ARHGEF10: variants seen among roughly 807,000 people sequenced by gnomAD.
ARHGEF10 encodes the protein Rho guanine nucleotide exchange factor (GEF) 10.
In ARHGEF10, 140 loss-of-function variants were observed where a neutral mutation model predicts 147.4. The ratio of observed to expected loss-of-function variants is 0.95; its 90% CI spans 0.83 to 1.09. ARHGEF10 has a LOEUF of 1.09. Ranked by LOEUF, ARHGEF10 falls within the 50% of genes least tolerant of loss-of-function variation. The pLI is 0.00. For synonymous variants in ARHGEF10, 902 were observed against 695.8 expected, an observed-to-expected ratio of 1.30 and a Z score of -4.67; for missense variants, 2,222 against 1,752.7, an observed-to-expected ratio of 1.27 and a Z score of -4.78.
chr8:1,919,394 T>G (rs554472052), intron 18 of ARHGEF10, among the ~76,000 whole-genome samples: 1 of 149,056 alleles, frequency 6.7e-6, no homozygotes, highest in African/African-American at 2.5e-5. Flanking sequence ...GATGGAGCTG[T>G]TCCATGGATG....
rs556735386 is a variant in ARHGEF10, at chr8:1,914,950, G to A, written c.2143+5480G>A. On this transcript the variant is annotated intron_variant, in intron 18 of 28. Coordinates refer to ENST00000349830, the MANE Select transcript of ARHGEF10 (RefSeq NM_014629.4). ...GTCTTCAGTAGCTTTCCTGCAATGCGACACTGAGGTCGGCGTGCCTGTGGA... is the reference window on the plus strand; with the variant it reads ...GTCTTCAGTAGCTTTCCTGCAATGCAACACTGAGGTCGGCGTGCCTGTGGA... 1.4e-4 allele frequency among the ~76,000 whole-genome samples: 22 copies of A among 152,300 alleles called. No homozygotes were observed. The South Asian group carries it at 4.1e-3, about 29-fold the overall frequency.
At chr8:1,837,098 A>G (rs4875952) in intron 1 of ARHGEF10, among the ~76,000 whole-genome samples, 82,476 of 152,194 alleles carry the variant, frequency 0.54, 22,729 homozygotes, top group East Asian at 0.7. Flanking sequence ...TTAGGAATGC[A>G]GTTTTTAAGG....
At chr8:1,936,476 C>T (rs1813616867) in intron 26 of ARHGEF10, among the ~76,000 whole-genome samples, 2 of 152,164 alleles carry the variant, frequency 1.3e-5, no homozygotes, top group Non-Finnish European at 1.5e-5. Flanking sequence ...CACTGCTATA[C>T]TCCAGCCTGG....
chr8:1,897,350 C>T (rs556450513), intron 14 of ARHGEF10, among the ~76,000 whole-genome samples: 2 of 152,088 alleles, frequency 1.3e-5, no homozygotes, highest in Non-Finnish European at 2.9e-5. Flanking sequence ...GCAGTTCCCA[C>T]TCTGGACAGC....
chr8:1,843,341 T>C lies in ARHGEF10; in HGVS notation c.-47-12T>C. ...CCTGAACGGTGACAAGCAGTGTCTC[T>C]CCTTCTTGCAGGAGCTCCTTCCCTT... is the stretch of plus-strand genomic sequence containing the variant. On this transcript the variant is annotated splice_polypyrimidine_tract_variant and intron_variant, in intron 1 of 28. Transcript: ENST00000349830. 1 of 1,608,622 alleles carries C rather than the reference T, an allele frequency of 6.2e-7. No individual in the cohort carries two copies. The highest frequency in any genetic ancestry group is 2.2e-5 in the East Asian group (1 of 44,826).
chr8:1,851,196 A>AGTGTTG, intron 2 of ARHGEF10, among the ~76,000 whole-genome samples: 2 of 126,106 alleles, frequency 1.6e-5, no homozygotes, highest in Admixed American at 7.6e-5. Context: ...GACGTACCTC[A>AGTGTTG]ACATCATTAC....
intron 27 of ARHGEF10, 193 bp downstream of exon 27, chr8:1,945,848 T>G: frequency 3.4e-5 from 26 of 771,532 alleles, no homozygotes; most frequent in Non-Finnish European, 4.0e-5. Context: ...ACTTTAGCGC[T>G]TCCCGGTGCA....
intron 1 of ARHGEF10, among the ~76,000 whole-genome samples, chr8:1,837,674 G>A (rs926609597): frequency 6.6e-6 from 1 of 152,184 alleles, no homozygotes; most frequent in East Asian, 1.9e-4. Context: ...GGGCGGGAAG[G>A]GGGAAGAGTG....
At chr8:1,951,030 G>A (rs574687230) in intron 27 of ARHGEF10, among the ~76,000 whole-genome samples, 72 of 152,294 alleles carry the variant, frequency 4.7e-4, no homozygotes, top group Middle Eastern at 3.4e-3. Context: ...CTCCCACAGC[G>A]GGGCTGCTTC....
At chr8:1,922,735 G>A (rs1221655248) in intron 18 of ARHGEF10, among the ~76,000 whole-genome samples, 2 of 152,074 alleles carry the variant, frequency 1.3e-5, no homozygotes, top group African/African-American at 4.8e-5. Context: ...GCCAGGCCTG[G>A]GCATTCAGGA....
At chr8:1,926,644 C>T (rs1315243684) in intron 23 of ARHGEF10, 181 bp downstream of exon 23, 2 of 690,158 alleles carry the variant, frequency 2.9e-6, no homozygotes, top group South Asian at 1.6e-5. Flanking sequence ...AAAAGATTTA[C>T]AGTTCTTAGG....
At chr8:1,919,140 TGGGTGATGGAGCTGTTCC>T (rs1812000052) in intron 18 of ARHGEF10, among the ~76,000 whole-genome samples, 5 of 146,154 alleles carry the variant, frequency 3.4e-5, no homozygotes, top group African/African-American at 1.3e-4. Context: ...AGCTGTTCCA[TGGGTGATGGAGCTGTTCC>T]GTGGGTGATG....
Position 1,882,824 on chromosome 8 carries a change from G to C in ARHGEF10, c.1075+75G>C, listed in dbSNP as rs867291938. 5.5e-6 allele frequency: 4 copies of C among 732,300 alleles called. No homozygotes were observed. The Admixed American group carries it at 6.7e-5, about 12-fold the overall frequency. The allele number at this position is 732,300 out of a possible 1,614,324, so 45.4% of individuals were successfully genotyped here. On this transcript the variant is annotated intron_variant, in intron 10 of 28. Transcript: ENST00000349830. ...CGGCCACATCTTGTGGGGAGGACTC[G>C]GGGTGGGGGGCGGCCGCGCAGGCTC...
chr8:1,898,486 GC>G lies in ARHGEF10; in HGVS notation c.1614del (p.Ile539SerfsTer15). Reference protein sequence around the residue: ...RTTLYSLMMKPIQRFPQFILL... With the variant: ...RTTLYSLMMKXIQRFPQFILL... ...CCACGCTCTACAGCCTGATGATGAA[GC>G]CCATCCAGAGGTTCCCACAGTTCAT... On this transcript the variant is annotated frameshift_variant, in exon 15 of 29. Transcript: ENST00000349830. LOFTEE classifies it high-confidence loss of function. 1 of 1,614,154 alleles carries G rather than the reference GC, an allele frequency of 6.2e-7. No homozygotes were observed.
chr8:1,906,537 C>G (rs1378880821), intron 17 of ARHGEF10, among the ~76,000 whole-genome samples: 1 of 152,180 alleles, frequency 6.6e-6, no homozygotes, highest in African/African-American at 2.4e-5. Flanking sequence ...CCCGTCGCCC[C>G]CATTTTCCAG....
intron 2 of ARHGEF10, among the ~76,000 whole-genome samples, chr8:1,846,481 G>A (rs1314166841): frequency 6.6e-6 from 1 of 152,224 alleles, no homozygotes; most frequent in Non-Finnish European, 1.5e-5. Context: ...TCTTCCCTGC[G>A]TGGGGACACA....
rs1563137293 is a variant in ARHGEF10 at position 1,824,006 on chromosome 8, G to GACGCGGGGGACGGCGGGGAACGGCGGGGA, written c.-152_-151insCGGGGGACGGCGGGGAACGGCGGGGAACG. The GACGCGGGGGACGGCGGGGAACGGCGGGGA allele has an allele frequency of 7.6e-6, 1 of 131,748 alleles. No homozygotes were observed. Among genetic ancestry groups the GACGCGGGGGACGGCGGGGAACGGCGGGGA allele is most frequent in the Non-Finnish European group, 1.7e-5 (1 of 60,110 alleles). The allele number at this position is 131,748 out of a possible 1,614,324, so 8.2% of individuals were successfully genotyped here. A position where few individuals can be genotyped will look rare whatever the true frequency, so the allele number is the denominator to read the frequency against. On this transcript the variant is annotated 5_prime_UTR_variant, in exon 1 of 29. Transcript: ENST00000349830. ...CGCGGGGGACGCGGGGGACGCGGGGGACGGCGGGGAACGGCGGGGGACGGC... is the reference window on the plus strand; with the variant it reads ...CGCGGGGGACGCGGGGGACGCGGGGGACGCGGGGGACGGCGGGGAACGGCGGGGAACGGCGGGGAACGGCGGGGGACGGC...
At chr8:1,922,522 C>G (rs1422913031) in intron 18 of ARHGEF10, among the ~76,000 whole-genome samples, 1 of 152,138 alleles carries the variant, frequency 6.6e-6, no homozygotes, top group Non-Finnish European at 1.5e-5. Context: ...GAGAAACTCC[C>G]CCAGACTGGA....
Position 1,955,780 on chromosome 8 carries a change from G to T in ARHGEF10, c.3521-969G>T, listed in dbSNP as rs952667061. ...AAGCCTCTGTATATTTGTGTGGCTG[G>T]CTCTGCTGACATGGGCAGAAGCTCC... On this transcript the variant is annotated intron_variant, in intron 28 of 28. Transcript: ENST00000349830. Among the ~76,000 whole-genome samples the T allele has an allele frequency of 3.3e-5, 5 of 152,370 alleles. No individual in the cohort carries two copies. In the East Asian group the frequency reaches 9.6e-4, roughly 29 times the overall value.
Sources: allele counts gnomAD v4.1 joint callset (sites outside exome capture counted in the v4.1 genomes callset), GRCh38; gene constraint gnomAD v4.1.1; transcripts MANE v1.5; gene names NCBI Gene and HGNC (gene_info 2026-07-23, HGNC 2026-07-21).